Variants in SLC25A20 observed in about 807,000 individuals in gnomAD.
SLC25A20 encodes solute carrier family 25 member 20, also known as mitochondrial carnitine/acylcarnitine carrier protein.
A neutral mutation model predicts 39.7 loss-of-function variants in SLC25A20; 29 were observed. That is an observed-to-expected ratio of 0.73 (90% CI 0.54 to 1.00). SLC25A20 has a LOEUF of 1.00. Ranked by LOEUF, SLC25A20 falls within the 50% of genes least tolerant of loss-of-function variation. SLC25A20 has a pLI of 0.00. For synonymous variants in SLC25A20, 103 were observed against 142.2 expected, an observed-to-expected ratio of 0.72 and a Z score of 1.96; for missense variants, 333 against 379.9, an observed-to-expected ratio of 0.88 and a Z score of 1.03.
chr3:48,859,944 A>G (rs985438739), intron 5 of SLC25A20, among the ~76,000 whole-genome samples: 2 of 152,224 alleles, frequency 1.3e-5, no homozygotes, highest in African/African-American at 4.8e-5. Flanking sequence ...AGGCAGGCAC[A>G]TCACCTGAGG....
At chr3:48,878,033 C>T (rs1020356372) in intron 4 of SLC25A20, among the ~76,000 whole-genome samples, 8 of 151,772 alleles carry the variant, frequency 5.3e-5, no homozygotes, top group Admixed American at 2.6e-4. Flanking sequence ...GAGGCTGAGG[C>T]GGGCAGATCA....
At chr3:48,875,276 T>C (rs981116791) in intron 4 of SLC25A20, among the ~76,000 whole-genome samples, 1 of 151,588 alleles carries the variant, frequency 6.6e-6, no homozygotes, top group Non-Finnish European at 1.5e-5. Flanking sequence ...CTAATTTTTG[T>C]ATTTTTCGTA....
intron 4 of SLC25A20, among the ~76,000 whole-genome samples, chr3:48,868,677 G>T (rs2083689502): frequency 6.6e-6 from 1 of 152,098 alleles, no homozygotes; most frequent in Non-Finnish European, 1.5e-5. Flanking sequence ...ACAAAAGCAT[G>T]CATTCTCTAC....
chr3:48,868,314 A>G (rs2083687824), intron 4 of SLC25A20, among the ~76,000 whole-genome samples: 1 of 152,088 alleles, frequency 6.6e-6, no homozygotes, highest in Non-Finnish European at 1.5e-5. Flanking sequence ...AAAGGACTTC[A>G]GGCATAGACA....
chr3:48,892,019 A>G lies in SLC25A20; in HGVS notation c.159T>C (p.Ser53=), dbSNP rs753910449. 1.9e-6 allele frequency: 3 copies of G among 1,613,976 alleles called. No individual in the cohort carries two copies. The South Asian group carries it at 3.3e-5, about 18-fold the overall frequency. The change falls in exon 2 of 9, where the codon TCT becomes TCC. Residue 53 remains serine (S), a synonymous_variant. Transcript: ENST00000319017. The part of the protein sequence containing the change: ...PSLPGQPPMY[S]GTFDCFRKTL... The stretch of plus-strand genomic sequence containing the variant: ...TCTTCCGGAAACAGTCAAAGGTCCC[A>G]GAGTACATGGGAGGTTGTCCAGGCA...
chr3:48,861,189 C>A (rs924372677), intron 5 of SLC25A20, among the ~76,000 whole-genome samples: 1 of 151,944 alleles, frequency 6.6e-6, no homozygotes, highest in Non-Finnish European at 1.5e-5. Context: ...AACTCCTGGG[C>A]TCAAGTGATC....
chr3:48,898,752 G>T lies in SLC25A20; in HGVS notation c.43C>A (p.Leu15Met), dbSNP rs763244156. The change falls in exon 1 of 9, where the codon CTG becomes ATG. Residue 15 changes from leucine (L) to methionine (M), a missense_variant. Coordinates refer to ENST00000319017, the MANE Select transcript of SLC25A20 (RefSeq NM_000387.6). The stretch of plus-strand genomic sequence containing the variant: ...CACACGCCGCCAAAGCCGCCGGCCA[G>T]CAGGTTCTTGAGCGGGCTGATGGGT... ...PKPISPLKNL[L>M]AGGFGGVCLV... 1 of 1,606,614 alleles carries T rather than the reference G, an allele frequency of 6.2e-7. No individual in the cohort carries two copies. Among genetic ancestry groups the T allele is most frequent in the South Asian group, 1.1e-5 (1 of 89,740 alleles).
At chr3:48,887,325 G>A (rs778301874) in intron 2 of SLC25A20, among the ~76,000 whole-genome samples, 18 of 152,222 alleles carry the variant, frequency 1.2e-4, no homozygotes, top group Non-Finnish European at 2.2e-4. Context: ...GCTCAAATCT[G>A]GCACAGGAAA....
At chr3:48,869,695 C>A (rs1206295177) in intron 4 of SLC25A20, among the ~76,000 whole-genome samples, 3 of 152,024 alleles carry the variant, frequency 2.0e-5, no homozygotes, top group African/African-American at 7.2e-5. Flanking sequence ...CACCTGTAGT[C>A]CCAGCTAATA....
intron 1 of SLC25A20, among the ~76,000 whole-genome samples, chr3:48,893,703 G>T (rs541201122): frequency 5.7e-4 from 87 of 151,680 alleles, no homozygotes; most frequent in African/African-American, 1.5e-3. Context: ...GCTAATTTTG[G>T]TTTTTTTGTA....
intron 4 of SLC25A20, among the ~76,000 whole-genome samples, chr3:48,873,641 A>G (rs1370344037): frequency 6.9e-6 from 1 of 144,160 alleles, no homozygotes; most frequent in African/African-American, 2.5e-5. Context: ...TAAAACTTGT[A>G]AAAAAAAAAA....
At chr3:48,878,784 AGC>A in intron 4 of SLC25A20, among the ~76,000 whole-genome samples, 1 of 149,772 alleles carries the variant, frequency 6.7e-6, no homozygotes. Flanking sequence ...TGCGAAACAC[AGC>A]AAGACCCCAT....
intron 4 of SLC25A20, among the ~76,000 whole-genome samples, chr3:48,878,276 ATATATATAT>A (rs2083776831): frequency 8.8e-6 from 1 of 114,228 alleles, no homozygotes; most frequent in Non-Finnish European, 1.7e-5. Context: ...AAAAAAAAAT[ATATATATAT>A]ATATATATAT....
intron 4 of SLC25A20, among the ~76,000 whole-genome samples, chr3:48,878,434 A>G (rs1038095488): frequency 4.0e-5 from 6 of 151,392 alleles, no homozygotes; most frequent in African/African-American, 1.5e-4. Context: ...TCCAGGCTCA[A>G]GTGATCCTCC....
rs369683254 is a variant in SLC25A20 at position 48,861,073 on chromosome 3, C to T, written c.536-1446G>A. Among the ~76,000 whole-genome samples the T allele has an allele frequency of 2.7e-3, 412 of 151,650 alleles. 1 individual carries two copies. The highest frequency in any genetic ancestry group is 5.0e-3 in the Non-Finnish European group (340 of 67,902). On this transcript the variant is annotated intron_variant, in intron 5 of 8. Transcript: ENST00000319017. ...TGAACTCCTGACCTCGTGATCCGCC[C>T]GCCTCGGCCTCCCAAAGTGCTGGGA...
chr3:48,879,993 G>A (rs1197854934), intron 3 of SLC25A20, among the ~76,000 whole-genome samples: 2 of 152,184 alleles, frequency 1.3e-5, no homozygotes, highest in African/African-American at 2.4e-5. Flanking sequence ...GAGGATGGCT[G>A]TGGCCACCTC....
At chr3:48,870,340 G>A (rs950658705) in intron 4 of SLC25A20, among the ~76,000 whole-genome samples, 7 of 152,128 alleles carry the variant, frequency 4.6e-5, no homozygotes, top group Non-Finnish European at 1.0e-4. Context: ...GGCGGAGGTT[G>A]CAGTAAGGAA....
At chr3:48,860,340 C>T (rs867098053) in intron 5 of SLC25A20, among the ~76,000 whole-genome samples, 1 of 149,998 alleles carries the variant, frequency 6.7e-6, no homozygotes, top group South Asian at 2.1e-4. Flanking sequence ...AATGGCCAAG[C>T]GTGGTGGCTC....
chr3:48,895,256 C>T (rs1212651131), intron 1 of SLC25A20, among the ~76,000 whole-genome samples: 1 of 152,246 alleles, frequency 6.6e-6, no homozygotes, highest in Admixed American at 6.5e-5. Context: ...GATCTGCCCG[C>T]CTCAGCCTCC....
Sources: gnomAD v4.1 joint callset for allele counts (sites outside exome capture counted in the v4.1 genomes callset) on GRCh38, gnomAD v4.1.1 for gene constraint, MANE v1.5 for transcripts, NCBI Gene and HGNC (gene_info 2026-07-23, HGNC 2026-07-21) for gene names.